RAB39A: variants seen among roughly 807,000 people sequenced by gnomAD.
RAB39A encodes RAB39A, member RAS oncogene family.
Under a neutral mutation model 20.9 loss-of-function variants are expected in RAB39A, and 17 were observed. That is an observed-to-expected ratio of 0.81 (90% CI 0.56 to 1.22). The LOEUF (loss-of-function observed/expected upper bound fraction) is 1.22, where lower values mean the gene tolerates loss of function less well. Among genes scored for constraint, RAB39A ranks in the 50% most tolerant of loss-of-function variants. The probability of loss-of-function intolerance (pLI) is 0.00; values close to 1 mark genes in which losing one functional copy is unlikely to be tolerated. For synonymous variants in RAB39A, 99 were observed against 103.4 expected (o/e 0.96, Z 0.26); for missense variants, 234 against 270.5 (o/e 0.87, Z 0.95).
At chr11:107,943,866 G>A (rs1043740277) in intron 1 of RAB39A, among the ~76,000 whole-genome samples, 30 of 152,062 alleles carry the variant, frequency 2.0e-4, no homozygotes, top group African/African-American at 5.1e-4. Flanking sequence ...AGGCTGAGGC[G>A]GGTGGATTAC....
intron 1 of RAB39A, among the ~76,000 whole-genome samples, chr11:107,935,900 CTT>C (rs561399074): frequency 1.3e-3 from 103 of 81,502 alleles, no homozygotes; most frequent in Non-Finnish European, 1.7e-3. Flanking sequence ...GTCCTGGCCA[CTT>C]TTTTTTTTTT....
At chr11:107,933,309 ATATATGTGTGTG>A (rs1178862732) in intron 1 of RAB39A, among the ~76,000 whole-genome samples, 5 of 55,800 alleles carry the variant, frequency 9.0e-5, no homozygotes, top group Admixed American at 2.4e-4. Context: ...CTTTATATAT[ATATATGTGTGTG>A]TGTGTGTGTG....
rs182321378 is a variant in RAB39A at position 107,948,507 on chromosome 11, A to G, written c.228-13439A>G. On this transcript the variant is annotated intron_variant, in intron 1 of 1. Coordinates refer to ENST00000320578, the MANE Select transcript of RAB39A (RefSeq NM_017516.3). ...CCGCACCCCTCCCCCGACCACCCCC[A>G]GCCGAGAGGGATTCTCAGTCTGTCG... is the stretch of plus-strand genomic sequence containing the variant. Among the ~76,000 whole-genome samples, 705 of 149,416 alleles carry G rather than the reference A, an allele frequency of 4.7e-3. 4 individuals are homozygous for G. The highest frequency in any genetic ancestry group is 0.016 in the African/African-American group (668 of 40,912).
intron 1 of RAB39A, among the ~76,000 whole-genome samples, chr11:107,930,236 CT>C (rs148836637): frequency 0.066 from 10,050 of 152,182 alleles, 365 homozygotes; most frequent in African/African-American, 0.1. Flanking sequence ...AATGTTTTTC[CT>C]TTTCAAGAAG....
intron 1 of RAB39A, among the ~76,000 whole-genome samples, chr11:107,946,248 C>T (rs527999129): frequency 6.9e-6 from 1 of 144,506 alleles, no homozygotes; most frequent in Non-Finnish European, 1.5e-5. Flanking sequence ...AAAAAAAAAA[C>T]CTGTCCTTAA....
intron 1 of RAB39A, among the ~76,000 whole-genome samples, chr11:107,930,384 A>G (rs1043771830): frequency 3.9e-5 from 6 of 152,194 alleles, no homozygotes; most frequent in Non-Finnish European, 7.3e-5. Flanking sequence ...TCTCAATCAG[A>G]GGTAAACTTT....
At chr11:107,939,461 A>T (rs1861237111) in intron 1 of RAB39A, among the ~76,000 whole-genome samples, 1 of 151,370 alleles carries the variant, frequency 6.6e-6, no homozygotes, top group Non-Finnish European at 1.5e-5. Flanking sequence ...AAAAAAAAAA[A>T]AAAATTAGCC....
rs549590437 is a variant in RAB39A, at chr11:107,929,640, AC to A, written c.227+846del. Among the ~76,000 whole-genome samples, 596 of 152,314 alleles carry A rather than the reference AC, an allele frequency of 3.9e-3. 3 individuals are homozygous for A. Among genetic ancestry groups the A allele is most frequent in the African/African-American group, 0.014 (571 of 41,572 alleles). The stretch of plus-strand genomic sequence containing the variant: ...TTCCAGGGTGATAATATTTCTAAAG[AC>A]AGAAGGAGGGATCCAAATGAATAGT... On this transcript the variant is annotated intron_variant, in intron 1 of 1. Coordinates refer to ENST00000320578, the MANE Select transcript of RAB39A (RefSeq NM_017516.3).
chr11:107,957,915 A>T (rs1257533940), intron 1 of RAB39A, among the ~76,000 whole-genome samples: 2 of 148,964 alleles, frequency 1.3e-5, no homozygotes, highest in African/African-American at 2.5e-5. Flanking sequence ...CTTTTTTTTG[A>T]GACAGAGTCT....
chr11:107,930,467 A>C lies in RAB39A; in HGVS notation c.227+1672A>C, dbSNP rs78996637. ...CCCCCCTCTGAAGTGAATACAATAA[A>C]AACCTTTATGTCTTAAACTTCTAAC... On this transcript the variant is annotated intron_variant, in intron 1 of 1. Coordinates refer to ENST00000320578, the MANE Select transcript of RAB39A (RefSeq NM_017516.3). Among the ~76,000 whole-genome samples the C allele has an allele frequency of 4.4e-3, 667 of 152,304 alleles. 4 individuals carry two copies. The highest frequency in any genetic ancestry group is 7.1e-3 in the Non-Finnish European group (481 of 68,030).
intron 1 of RAB39A, among the ~76,000 whole-genome samples, chr11:107,940,376 A>G (rs1231847190): frequency 6.6e-6 from 1 of 151,598 alleles, no homozygotes; most frequent in Non-Finnish European, 1.5e-5. Flanking sequence ...CAATCCTACC[A>G]CCTCAGCCTC....
chr11:107,946,460 A>ATATATATATTT (rs1861319013), intron 1 of RAB39A, among the ~76,000 whole-genome samples: 1 of 15,750 alleles, frequency 6.3e-5, no homozygotes, highest in African/African-American at 2.3e-4. Flanking sequence ...ATATATATAT[A>ATATATATATTT]TTTTTTTTTT....
At chr11:107,947,707 G>C (rs1234271345) in intron 1 of RAB39A, among the ~76,000 whole-genome samples, 1 of 146,810 alleles carries the variant, frequency 6.8e-6, no homozygotes, top group African/African-American at 2.5e-5. Flanking sequence ...AGATCGATCA[G>C]GAATCAGATT....
intron 1 of RAB39A, among the ~76,000 whole-genome samples, chr11:107,961,175 AAAC>A (rs532179346): frequency 2.3e-3 from 344 of 152,336 alleles, no homozygotes; most frequent in Non-Finnish European, 3.8e-3. Context: ...ATGGGGATTT[AAAC>A]AACAGAAATT....
chr11:107,954,883 G>A (rs2134971561), intron 1 of RAB39A, among the ~76,000 whole-genome samples: 1 of 151,168 alleles, frequency 6.6e-6, no homozygotes, highest in South Asian at 2.1e-4. Context: ...AGATTGCACA[G>A]TCACTTGGTG....
chr11:107,938,379 A>G (rs1308887406), intron 1 of RAB39A, among the ~76,000 whole-genome samples: 1 of 150,222 alleles, frequency 6.7e-6, no homozygotes, highest in Non-Finnish European at 1.5e-5. Flanking sequence ...AAAAAAAAAA[A>G]AGAATGAGAC....
rs1365762278 is a variant in RAB39A at position 107,928,492 on chromosome 11, G to A, written c.-77G>A. On this transcript the variant is annotated 5_prime_UTR_variant, in exon 1 of 2. It adds an upstream start codon to the 5' untranslated region. Transcript: ENST00000320578. This position sits in a 1 kb window ranked among gnomAD's most constrained non-coding sequence, Gnocchi z 4.9. ...AAGGCGGCGGGCGGGCGCCCGCGAG[G>A]TGCTGAAAGGACAGTTCCCGCCGCC... 2.6e-6 allele frequency: 3 copies of A among 1,153,282 alleles called. No homozygotes were observed. In the Admixed American group the frequency reaches 1.0e-4, roughly 39 times the overall value. 71.4% of individuals were successfully genotyped at this position (1,153,282 alleles called of 1,614,324 possible).
At chr11:107,959,403 T>C (rs957900201) in intron 1 of RAB39A, among the ~76,000 whole-genome samples, 9 of 152,248 alleles carry the variant, frequency 5.9e-5, no homozygotes, top group Admixed American at 5.9e-4. Flanking sequence ...GACAAAACAA[T>C]AACAAATTAG....
chr11:107,942,734 C>T (rs1424124646), intron 1 of RAB39A, among the ~76,000 whole-genome samples: 1 of 152,124 alleles, frequency 6.6e-6, no homozygotes, highest in Admixed American at 6.6e-5. Flanking sequence ...CAGTGCTCTT[C>T]CTGCTATGCC....
Sources: gnomAD v4.1 joint callset for allele counts (sites outside exome capture counted in the v4.1 genomes callset) on GRCh38, gnomAD v4.1.1 for gene constraint, Gnocchi (gnomAD v3.1) non-coding constraint, MANE v1.5 for transcripts, NCBI Gene and HGNC (gene_info 2026-07-23, HGNC 2026-07-21) for gene names.